Variants in ZNF600 observed in about 807,000 individuals in gnomAD.
ZNF600 encodes zinc finger protein KR-ZNF1.
ZNF600 carries 4 observed loss-of-function variants against 7.3 expected under a neutral mutation model. That is an observed-to-expected ratio of 0.55 (90% CI 0.27 to 1.25). ZNF600 has a LOEUF of 1.25. Among genes scored for constraint, ZNF600 ranks in the 50% most tolerant of loss-of-function variants. The pLI is 0.12. For missense variants in ZNF600, 911 were observed against 922.1 expected (o/e 0.99, Z 0.16); for synonymous variants, 290 against 308.9 (o/e 0.94, Z 0.64).
chr19:52,822,053 A>AT, the ZNF600 span, among the ~76,000 whole-genome samples: 19 of 122,724 alleles, frequency 1.5e-4, no homozygotes, highest in Middle Eastern at 4.8e-3. Context: ...TTTTATTTAC[A>AT]TTTTTTTCTT....
the ZNF600 span, among the ~76,000 whole-genome samples, chr19:52,806,980 G>C: frequency 6.6e-6 from 1 of 152,194 alleles, no homozygotes; most frequent in African/African-American, 2.4e-5. Context: ...TTTCAGAGAT[G>C]TGAGGATTTA....
At chr19:52,776,969 G>T (rs1178666429) in intron 2 of ZNF600, among the ~76,000 whole-genome samples, 1 of 151,860 alleles carries the variant, frequency 6.6e-6, no homozygotes, top group Non-Finnish European at 1.5e-5. Context: ...ACTCCTGCCT[G>T]GACAACAGAG....
exon 4 of ZNF600, chr19:52,765,855 C>T (rs1401515441): frequency 1.9e-6 from 3 of 1,613,906 alleles, no homozygotes; most frequent in Non-Finnish European, 2.5e-6. Flanking sequence ...AAGTTTCTCC[C>T]CAGCATGAAT....
the ZNF600 span, among the ~76,000 whole-genome samples, chr19:52,817,286 C>T: frequency 4.9e-4 from 75 of 152,082 alleles, no homozygotes; most frequent in African/African-American, 1.8e-3. Context: ...GCAGGAGAAT[C>T]TCTTGAACCC....
the ZNF600 span, among the ~76,000 whole-genome samples, chr19:52,796,227 G>C: frequency 6.6e-6 from 1 of 152,140 alleles, no homozygotes; most frequent in Non-Finnish European, 1.5e-5. Context: ...GGGACAGGGG[G>C]AATCTAAGGC....
At chr19:52,829,297 G>A in the ZNF600 span, among the ~76,000 whole-genome samples, 1 of 151,224 alleles carries the variant, frequency 6.6e-6, no homozygotes. Context: ...CATGTGCCAT[G>A]CTGGTGCGCT....
At position 52,772,799 on chromosome 19, in the gene ZNF600, AC is replaced by A. The variant is rs538549130; in HGVS notation, c.190+1775del. Among the ~76,000 whole-genome samples, 137 of 152,318 alleles carry A rather than the reference AC, an allele frequency of 9.0e-4. 2 individuals are homozygous for A. The highest frequency in any genetic ancestry group is 1.4e-3 in the Non-Finnish European group (93 of 68,038). ...AGGCACAATAGTCAGCCCAGGCAGG[AC>A]AGGAAATGACCAGACACAGAAAATA... On this transcript the variant is annotated intron_variant, in intron 3 of 3. Transcript: ENST00000648973.
chr19:52,771,117 G>A, intron 3 of ZNF600, among the ~76,000 whole-genome samples: 1 of 151,998 alleles, frequency 6.6e-6, no homozygotes, highest in Non-Finnish European at 1.5e-5. Flanking sequence ...ACAGGTGTAA[G>A]CCACCACGAC....
At chr19:52,814,400 G>A in the ZNF600 span, 1 of 146,244 alleles carries the variant, frequency 6.8e-6, no homozygotes, top group East Asian at 2.0e-4. Context: ...AGACCAGCAT[G>A]GCCAAAATGG....
At chr19:52,814,491 G>A in the ZNF600 span, 19 of 146,068 alleles carry the variant, frequency 1.3e-4, 4 homozygotes, top group African/African-American at 5.1e-4. Flanking sequence ...CTACTTAGGA[G>A]GCTAAAACAG....
At chr19:52,800,315 A>G in the ZNF600 span, 22 of 1,606,888 alleles carry the variant, frequency 1.4e-5, no homozygotes, top group Non-Finnish European at 1.4e-5. Context: ...GATGTTCTGT[A>G]AGGCATGAAT....
chr19:52,799,890 T>C, the ZNF600 span: 2 of 1,614,002 alleles, frequency 1.2e-6, no homozygotes, highest in Admixed American at 1.7e-5. Flanking sequence ...CCTATGATGG[T>C]ATACGAGGGA....
the ZNF600 span, among the ~76,000 whole-genome samples, chr19:52,819,737 A>C: frequency 2.1e-5 from 3 of 143,508 alleles, 1 homozygote; most frequent in Admixed American, 1.4e-4. Flanking sequence ...TTAGAGAAGC[A>C]TCTTTCACAT....
the ZNF600 span, among the ~76,000 whole-genome samples, chr19:52,796,376 A>C: frequency 6.6e-6 from 1 of 152,202 alleles, no homozygotes; most frequent in East Asian, 1.9e-4. Flanking sequence ...GGAAAGGTGG[A>C]ATAACTGGAA....
chr19:52,783,425 G>C (rs1270989434), intron 1 of ZNF600, among the ~76,000 whole-genome samples: 1 of 152,058 alleles, frequency 6.6e-6, no homozygotes, highest in Non-Finnish European at 1.5e-5. Flanking sequence ...GCAGTGGCGC[G>C]ATCTCGGCTC....
At chr19:52,810,496 A>T in the ZNF600 span, 2 of 1,585,888 alleles carry the variant, frequency 1.3e-6, no homozygotes, top group East Asian at 2.2e-5. Context: ...ATGAGTCCCT[A>T]TTTAGAGGAA....
the ZNF600 span, among the ~76,000 whole-genome samples, chr19:52,820,587 G>T: frequency 6.6e-6 from 1 of 151,894 alleles, no homozygotes. Flanking sequence ...TCCCCGCTGT[G>T]CTTCTCCCTC....
chr19:52,810,657 T>TCGCGTCTACAGGGGC, the ZNF600 span: 1 of 1,137,822 alleles, frequency 8.8e-7, no homozygotes, highest in Non-Finnish European at 1.3e-6. Context: ...GGCTCTGGGG[T>TCGCGTCTACAGGGGC]CGCGTCTACA....
chr19:52,796,439 C>T, the ZNF600 span, among the ~76,000 whole-genome samples: 5 of 152,290 alleles, frequency 3.3e-5, no homozygotes, highest in African/African-American at 1.2e-4. Context: ...TTCTTTGAGT[C>T]TTTGATCAGC....
Sources: allele counts gnomAD v4.1 joint callset (sites outside exome capture counted in the v4.1 genomes callset), GRCh38; gene constraint gnomAD v4.1.1; transcripts MANE v1.5; gene names NCBI Gene and HGNC (gene_info 2026-07-23, HGNC 2026-07-21).